The following NXPE2 variants were observed in gnomAD, a reference collection of about 807,000 sequenced individuals.
NXPE2 encodes NXPE family member 2.
Under a neutral mutation model 34.4 loss-of-function variants are expected in NXPE2, and 34 were observed. The ratio of observed to expected loss-of-function variants is 0.99; its 90% CI spans 0.75 to 1.31. The LOEUF (loss-of-function observed/expected upper bound fraction) is 1.31, where lower values mean the gene tolerates loss of function less well. Among genes scored for constraint, NXPE2 ranks in the 40% most tolerant of loss-of-function variants. The probability of loss-of-function intolerance (pLI) is 0.00; values close to 1 mark genes in which losing one functional copy is unlikely to be tolerated. For synonymous variants in NXPE2, 235 were observed against 231.3 expected (o/e 1.02, Z -0.15); for missense variants, 649 against 672.5 (o/e 0.97, Z 0.39).
the NXPE2 span, among the ~76,000 whole-genome samples, chr11:114,668,005 A>T: frequency 6.6e-6 from 1 of 152,042 alleles, no homozygotes; most frequent in Non-Finnish European, 1.5e-5. Context: ...CACTATTTGT[A>T]ACAGTGAGGT....
the NXPE2 span, among the ~76,000 whole-genome samples, chr11:114,744,684 C>T: frequency 2.6e-5 from 4 of 152,076 alleles, no homozygotes; most frequent in Admixed American, 6.6e-5. Context: ...GTGGCATGCA[C>T]CTGTAATCCT....
the NXPE2 span, among the ~76,000 whole-genome samples, chr11:114,614,529 C>T: frequency 2.0e-5 from 3 of 151,286 alleles, no homozygotes; most frequent in South Asian, 2.1e-4. Context: ...TCATGGGGAA[C>T]CAGTGTTACC....
the NXPE2 span, among the ~76,000 whole-genome samples, chr11:114,670,984 A>C: frequency 2.7e-5 from 4 of 150,384 alleles, no homozygotes; most frequent in African/African-American, 9.7e-5. Flanking sequence ...TAAAAAAAGA[A>C]AGGAAATTAT....
the NXPE2 span, among the ~76,000 whole-genome samples, chr11:114,619,844 C>A: frequency 6.6e-6 from 1 of 151,504 alleles, no homozygotes; most frequent in Non-Finnish European, 1.5e-5. Flanking sequence ...TCGTTGGTAA[C>A]CAGTGTTACC....
chr11:114,703,532 G>C (rs189133367), intron 3 of NXPE2, among the ~76,000 whole-genome samples: 1 of 152,296 alleles, frequency 6.6e-6, no homozygotes, highest in African/African-American at 2.4e-5. Context: ...TCTGATGCAC[G>C]CTCAAGTTTG....
chr11:114,592,029 A>G, the NXPE2 span, among the ~76,000 whole-genome samples: 7 of 152,206 alleles, frequency 4.6e-5, no homozygotes, highest in Non-Finnish European at 1.0e-4. Flanking sequence ...ATGTACCTCA[A>G]AACAATAAAA....
chr11:114,626,403 C>A, the NXPE2 span, among the ~76,000 whole-genome samples: 1 of 152,304 alleles, frequency 6.6e-6, no homozygotes, highest in Admixed American at 6.5e-5. Flanking sequence ...GAGGCACCCC[C>A]CAACAGGGGC....
the NXPE2 span, among the ~76,000 whole-genome samples, chr11:114,521,038 T>G: frequency 1.3e-5 from 2 of 152,226 alleles, no homozygotes; most frequent in African/African-American, 2.4e-5. Context: ...CTGCCTTATT[T>G]ACTTATTTGA....
At chr11:114,777,718 G>T in the NXPE2 span, among the ~76,000 whole-genome samples, 1 of 152,166 alleles carries the variant, frequency 6.6e-6, no homozygotes, top group African/African-American at 2.4e-5. Flanking sequence ...TGTGAGCATA[G>T]TACAGTGATG....
At chr11:114,753,234 A>G in the NXPE2 span, among the ~76,000 whole-genome samples, 1 of 152,102 alleles carries the variant, frequency 6.6e-6, no homozygotes, top group Admixed American at 6.5e-5. Flanking sequence ...TCTACAAAAA[A>G]TGCAAAAAGT....
At chr11:114,470,990 G>T in the NXPE2 span, among the ~76,000 whole-genome samples, 51 of 152,144 alleles carry the variant, frequency 3.4e-4, no homozygotes, top group Non-Finnish European at 6.3e-4. Flanking sequence ...ATGACAGGTT[G>T]TTTGTTTTCT....
chr11:114,498,172 G>GA, the NXPE2 span, among the ~76,000 whole-genome samples: 6 of 151,760 alleles, frequency 4.0e-5, no homozygotes, highest in Admixed American at 1.3e-4. Flanking sequence ...TTATCTTACT[G>GA]ACTTCTACTA....
At chr11:114,532,042 GAGAATGATTAC>G in the NXPE2 span, among the ~76,000 whole-genome samples, 4 of 152,156 alleles carry the variant, frequency 2.6e-5, no homozygotes, top group Non-Finnish European at 5.9e-5. Flanking sequence ...AGATAGATTT[GAGAATGATTAC>G]AGACCAGTAG....
chr11:114,600,035 A>G, the NXPE2 span, among the ~76,000 whole-genome samples: 468 of 152,306 alleles, frequency 3.1e-3, 2 homozygotes, highest in Middle Eastern at 0.041. Flanking sequence ...ATATGGCAAA[A>G]GTGAAGGAAA....
At chr11:114,805,745 C>A in the NXPE2 span, among the ~76,000 whole-genome samples, 1,003 of 152,324 alleles carry the variant, frequency 6.6e-3, 8 homozygotes, top group African/African-American at 0.023. Flanking sequence ...GCCTGCCTGC[C>A]TCTGTAGGCT....
chr11:114,805,197 T>G, the NXPE2 span, among the ~76,000 whole-genome samples: 1 of 151,580 alleles, frequency 6.6e-6, no homozygotes, highest in Non-Finnish European at 1.5e-5. Context: ...AGGAGTTTTT[T>G]TTTTTTTTAA....
chr11:114,688,585 AT>A lies in NXPE2; in HGVS notation c.132+8824del, dbSNP rs1255988184. 7.2e-5 allele frequency among the ~76,000 whole-genome samples: 11 copies of A among 152,078 alleles called. No homozygotes were observed. In the East Asian group the frequency reaches 2.1e-3, roughly 29 times the overall value. On this transcript the variant is annotated intron_variant, in intron 2 of 5. Coordinates refer to ENST00000389586, the MANE Select transcript of NXPE2 (RefSeq NM_182495.6). ...GTCTTTGCCAGATTTTGATATCAGA[AT>A]GATACTGGTTTTGTAGAATGAATTA...
the NXPE2 span, among the ~76,000 whole-genome samples, chr11:114,743,778 A>G: frequency 1.3e-4 from 19 of 150,728 alleles, no homozygotes; most frequent in Middle Eastern, 0.01. Context: ...TTTAGTGAGC[A>G]TATATATATT....
chr11:114,548,410 A>G, the NXPE2 span, among the ~76,000 whole-genome samples: 2 of 152,096 alleles, frequency 1.3e-5, no homozygotes, highest in African/African-American at 4.8e-5. Flanking sequence ...TATTCTCTAT[A>G]TCTTAGGTCA....
Sources: gnomAD v4.1 joint callset for allele counts (sites outside exome capture counted in the v4.1 genomes callset) on GRCh38, gnomAD v4.1.1 for gene constraint, MANE v1.5 for transcripts, NCBI Gene and HGNC (gene_info 2026-07-23, HGNC 2026-07-21) for gene names.